The following SGMS1 variants were observed in gnomAD, a reference collection of about 807,000 sequenced individuals.
The protein encoded by SGMS1 is phosphatidylcholine:ceramide cholinephosphotransferase 1.
A neutral mutation model predicts 46.2 loss-of-function variants in SGMS1; 13 were observed. That is an observed-to-expected ratio of 0.28 (90% confidence interval 0.18 to 0.45). SGMS1 has a LOEUF of 0.45. Ranked by LOEUF, SGMS1 falls within the 20% of genes least tolerant of loss-of-function variation. The pLI is 1.00. For synonymous variants in SGMS1, 203 were observed against 187.8 expected, an observed-to-expected ratio of 1.08 and a Z score of -0.66; for missense variants, 324 against 519.9, an observed-to-expected ratio of 0.62 and a Z score of 3.66.
chr10:50,325,643 G>A (rs1357679022), intron 8 of SGMS1, among the ~76,000 whole-genome samples: 3 of 152,224 alleles, frequency 2.0e-5, no homozygotes, highest in Non-Finnish European at 4.4e-5. Context: ...GGGCTTGCCA[G>A]CAACTGGCGG....
Position 50,344,039 on chromosome 10 carries a change from C to T in SGMS1, c.76G>A (p.Glu26Lys). 6.2e-7 allele frequency: 1 copy of T among 1,614,162 alleles called. No homozygotes were observed. The highest frequency in any genetic ancestry group is 8.5e-7 in the Non-Finnish European group (1 of 1,180,044). ...TGGCCTGTGAAATGCTCCAGAGGCTCACAGTATTCTGGCATAGCATTCTCC... is the reference window on the plus strand; with the variant it reads ...TGGCCTGTGAAATGCTCCAGAGGCTTACAGTATTCTGGCATAGCATTCTCC... ...LLENAMPEYC[E>K]PLEHFTGQDL... The change falls in exon 7 of 11, where the codon GAG becomes AAG. Residue 26 changes from glutamate to lysine, a missense_variant. By Grantham distance (56) the Glu-to-Lys change is moderately conservative. Coordinates refer to ENST00000361781, the MANE Select transcript of SGMS1 (RefSeq NM_147156.4).
chr10:50,554,911 T>C (rs1838177961), intron 2 of SGMS1, among the ~76,000 whole-genome samples: 1 of 152,218 alleles, frequency 6.6e-6, no homozygotes, highest in Non-Finnish European at 1.5e-5. Context: ...GCATTCTTTT[T>C]ACCAAAAGCA....
rs1282215230 is a variant in SGMS1, at chr10:50,598,576, G to T, written c.-683-8329C>A. ...GACAGTTGTGGAGAAGGGGTGAAAT[G>T]TGAGGGTCATATAGCTCTGAAGTTC... On this transcript the variant is annotated intron_variant, in intron 1 of 10. Coordinates refer to ENST00000361781, the MANE Select transcript of SGMS1 (RefSeq NM_147156.4). Among the ~76,000 whole-genome samples, 4 of 152,210 alleles carry T rather than the reference G, an allele frequency of 2.6e-5. No homozygotes were observed. In the East Asian group the frequency reaches 5.8e-4, roughly 22 times the overall value.
At chr10:50,522,280 C>T (rs1307807345) in intron 2 of SGMS1, among the ~76,000 whole-genome samples, 3 of 152,026 alleles carry the variant, frequency 2.0e-5, no homozygotes, top group Non-Finnish European at 2.9e-5. Flanking sequence ...TGACATACTC[C>T]ATCTTTTAAA....
intron 3 of SGMS1, among the ~76,000 whole-genome samples, chr10:50,490,236 A>G (rs1007531861): frequency 2.3e-4 from 35 of 152,242 alleles, no homozygotes; most frequent in African/African-American, 8.0e-4. Flanking sequence ...ATTTGCATTT[A>G]TAATTATTCC....
chr10:50,518,886 C>T (rs1240300755), intron 3 of SGMS1, among the ~76,000 whole-genome samples: 1 of 152,114 alleles, frequency 6.6e-6, no homozygotes, highest in African/African-American at 2.4e-5. Context: ...TGTTCAATTG[C>T]ACTATTAATC....
chr10:50,342,556 T>G (rs1316581394), intron 7 of SGMS1: 1 of 152,182 alleles, frequency 6.6e-6, no homozygotes, highest in Non-Finnish European at 1.5e-5. Flanking sequence ...CAAAGAACAT[T>G]CAGCATGAAC....
chr10:50,348,722 A>G (rs1025530712), intron 6 of SGMS1, among the ~76,000 whole-genome samples: 1 of 152,222 alleles, frequency 6.6e-6, no homozygotes, highest in African/African-American at 2.4e-5. Flanking sequence ...AATCAATATC[A>G]TGAAAATGGC....
chr10:50,307,047 T>C lies in SGMS1; in HGVS notation c.*95A>G. On this transcript the variant is annotated 3_prime_UTR_variant, in exon 11 of 11. Coordinates refer to ENST00000361781, the MANE Select transcript of SGMS1 (RefSeq NM_147156.4). This position sits in a 1 kb window ranked among gnomAD's most constrained non-coding sequence, Gnocchi z 4.2. ...TTAAGTCAAGGTAACCATTGAAAGA[T>C]AATAGGATTAGGGAGGTGTTTATTT... 8.2e-7 allele frequency: 1 copy of C among 1,220,296 alleles called. No homozygotes were observed. Among genetic ancestry groups the C allele is most frequent in the South Asian group, 1.5e-5 (1 of 64,966 alleles). 75.6% of individuals were successfully genotyped at this position (1,220,296 alleles called of 1,614,324 possible).
At chr10:50,502,809 A>G (rs930083866) in intron 3 of SGMS1, among the ~76,000 whole-genome samples, 1 of 152,198 alleles carries the variant, frequency 6.6e-6, no homozygotes, top group African/African-American at 2.4e-5. Flanking sequence ...CAACTTTTCC[A>G]TTTTAAAAAT....
intron 3 of SGMS1, among the ~76,000 whole-genome samples, chr10:50,498,868 A>T (rs1006446476): frequency 6.6e-6 from 1 of 151,916 alleles, no homozygotes; most frequent in Non-Finnish European, 1.5e-5. Context: ...TCTATTTTTA[A>T]TTTTTTTCAG....
intron 6 of SGMS1, among the ~76,000 whole-genome samples, chr10:50,365,235 G>A (rs565552433): frequency 2.1e-4 from 18 of 83,822 alleles, no homozygotes; most frequent in Non-Finnish European, 4.9e-4. Context: ...CCTGGGCGAC[G>A]GAGTGAGACT....
chr10:50,531,560 C>T (rs367543584), intron 2 of SGMS1, among the ~76,000 whole-genome samples: 15 of 152,240 alleles, frequency 9.9e-5, no homozygotes, highest in East Asian at 3.9e-4. Context: ...GCACTACACA[C>T]GTGACAAAAG....
chr10:50,357,540 G>GAAA (rs1269494534), intron 6 of SGMS1, among the ~76,000 whole-genome samples: 1 of 152,100 alleles, frequency 6.6e-6, no homozygotes, highest in African/African-American at 2.4e-5. Flanking sequence ...CAATTGCTCA[G>GAAA]AAAATCTGAA....
intron 7 of SGMS1, among the ~76,000 whole-genome samples, chr10:50,328,268 C>T (rs1414512959): frequency 2.0e-5 from 3 of 152,160 alleles, no homozygotes; most frequent in East Asian, 1.9e-4. Context: ...TCTTGTAGTA[C>T]CACAGGCCAG....
At chr10:50,593,631 T>G (rs187444765) in intron 1 of SGMS1, among the ~76,000 whole-genome samples, 1 of 152,252 alleles carries the variant, frequency 6.6e-6, no homozygotes, top group African/African-American at 2.4e-5. Flanking sequence ...CCTTGGCTCC[T>G]CTTTATGGTT....
intron 1 of SGMS1, among the ~76,000 whole-genome samples, chr10:50,591,971 C>T (rs974394155): frequency 1.3e-5 from 2 of 152,198 alleles, no homozygotes; most frequent in Non-Finnish European, 2.9e-5. Context: ...TCTGGAACCC[C>T]GTGCACCTGG....
At chr10:50,465,424 T>C (rs1008136835) in intron 4 of SGMS1, among the ~76,000 whole-genome samples, 1 of 151,608 alleles carries the variant, frequency 6.6e-6, no homozygotes, top group East Asian at 1.9e-4. Context: ...TCAATTCATA[T>C]TCTCAAAAAA....
At chr10:50,506,521 C>G (rs1837708273) in intron 3 of SGMS1, among the ~76,000 whole-genome samples, 1 of 151,978 alleles carries the variant, frequency 6.6e-6, no homozygotes, top group Non-Finnish European at 1.5e-5. Context: ...TAATGAAGTC[C>G]CTAAGTGAGC....
Sources: gnomAD v4.1 joint callset for allele counts (sites outside exome capture counted in the v4.1 genomes callset) on GRCh38, gnomAD v4.1.1 for gene constraint, Gnocchi (gnomAD v3.1) non-coding constraint, MANE v1.5 for transcripts, NCBI Gene and HGNC (gene_info 2026-07-23, HGNC 2026-07-21) for gene names.